PPARGC1A: variants seen among roughly 807,000 people sequenced by gnomAD.
PPARGC1A encodes the protein PPARG coactivator 1 alpha, also known as peroxisome proliferator-activated receptor gamma coactivator 1-alpha.
PPARGC1A carries 25 observed loss-of-function variants against 88.7 expected under a neutral mutation model. The observed-to-expected ratio is 0.28, with a 90% CI of 0.21 to 0.39. PPARGC1A has a LOEUF of 0.39. PPARGC1A is among the 10% of genes least tolerant of loss of function. The probability of loss-of-function intolerance (pLI) is 1.00; values close to 1 mark genes in which losing one functional copy is unlikely to be tolerated. For missense variants in PPARGC1A, 880 were observed against 968.7 expected (o/e 0.91, Z 1.22); for synonymous variants, 363 against 355.6 (o/e 1.02, Z -0.24).
chr4:23,864,101 T>C (rs529295560), intron 2 of PPARGC1A, among the ~76,000 whole-genome samples: 2 of 152,284 alleles, frequency 1.3e-5, no homozygotes, highest in Admixed American at 6.5e-5. Context: ...TCTTCACTCA[T>C]AGGTTTCACA....
the PPARGC1A span, among the ~76,000 whole-genome samples, chr4:24,409,107 A>G: frequency 6.6e-6 from 1 of 152,216 alleles, no homozygotes; most frequent in African/African-American, 2.4e-5. Context: ...ATAATCTTGA[A>G]TATTTTTTAA....
chr4:24,035,127 G>A, the PPARGC1A span, among the ~76,000 whole-genome samples: 1 of 152,186 alleles, frequency 6.6e-6, no homozygotes, highest in Non-Finnish European at 1.5e-5. Flanking sequence ...TATATGTGTG[G>A]CAAACACTTG....
At chr4:24,345,349 C>T in the PPARGC1A span, among the ~76,000 whole-genome samples, 1 of 151,864 alleles carries the variant, frequency 6.6e-6, no homozygotes, top group African/African-American at 2.4e-5. Flanking sequence ...TTGCTTTTGG[C>T]AGTATGGTCA....
chr4:24,208,539 C>T, the PPARGC1A span, among the ~76,000 whole-genome samples: 24 of 151,956 alleles, frequency 1.6e-4, no homozygotes, highest in Non-Finnish European at 3.1e-4. Context: ...AAAATACACA[C>T]GTTTACTGAC....
At chr4:24,256,490 G>A in the PPARGC1A span, among the ~76,000 whole-genome samples, 3,027 of 152,212 alleles carry the variant, frequency 0.02, 44 homozygotes, top group Admixed American at 0.041. Context: ...ATCACCCTTC[G>A]TATCTCAATA....
the PPARGC1A span, among the ~76,000 whole-genome samples, chr4:24,259,393 T>C: frequency 2.0e-5 from 3 of 152,156 alleles, no homozygotes; most frequent in Non-Finnish European, 4.4e-5. Context: ...TCCTTCCCTT[T>C]CATCAGATCT....
chr4:24,322,853 T>C, the PPARGC1A span, among the ~76,000 whole-genome samples: 1 of 152,226 alleles, frequency 6.6e-6, no homozygotes, highest in Non-Finnish European at 1.5e-5. Flanking sequence ...TTGGCTGCAC[T>C]CTCCACTTTG....
the PPARGC1A span, among the ~76,000 whole-genome samples, chr4:23,980,585 C>T: frequency 6.6e-6 from 1 of 152,140 alleles, no homozygotes. Context: ...ATATAAAGAA[C>T]TTCCCAGAAA....
chr4:24,202,623 G>C, the PPARGC1A span, among the ~76,000 whole-genome samples: 2 of 152,128 alleles, frequency 1.3e-5, no homozygotes, highest in South Asian at 2.1e-4. Context: ...TTGGAAAACT[G>C]TCCATATGAG....
At chr4:24,074,701 G>A in the PPARGC1A span, among the ~76,000 whole-genome samples, 24 of 152,048 alleles carry the variant, frequency 1.6e-4, no homozygotes, top group African/African-American at 5.1e-4. Context: ...ATGTTCTGTC[G>A]GTGCTAACTC....
chr4:24,435,220 TAGA>T, the PPARGC1A span, among the ~76,000 whole-genome samples: 23 of 152,310 alleles, frequency 1.5e-4, no homozygotes, highest in African/African-American at 5.1e-4. Context: ...CAGGTAGTAT[TAGA>T]AGGACAGTGA....
At position 23,833,335 on chromosome 4, in the gene PPARGC1A, A is replaced by G. The variant is rs377541112; in HGVS notation, c.235-1584T>C. Among the ~76,000 whole-genome samples, 6 of 152,280 alleles carry G rather than the reference A, an allele frequency of 3.9e-5. No individual in the cohort carries two copies. The South Asian group carries it at 1.2e-3, about 32-fold the overall frequency. ...CATTGATCTGCATTTATTGCCAACA[A>G]TATCTTCTGGACCATTTTCTTTTCC... On this transcript the variant is annotated intron_variant, in intron 2 of 12. Coordinates refer to ENST00000264867, the MANE Select transcript of PPARGC1A (RefSeq NM_013261.5).
the PPARGC1A span, among the ~76,000 whole-genome samples, chr4:24,179,882 G>A: frequency 6.6e-6 from 1 of 152,056 alleles, no homozygotes; most frequent in Non-Finnish European, 1.5e-5. Flanking sequence ...GGAGTGAGAG[G>A]GCTAATGTCA....
At chr4:24,047,317 C>T in the PPARGC1A span, among the ~76,000 whole-genome samples, 652 of 152,326 alleles carry the variant, frequency 4.3e-3, 22 homozygotes, top group East Asian at 0.095. Context: ...AGAAATTAAA[C>T]TCCTTGATTA....
chr4:24,268,936 TAGTC>T, the PPARGC1A span, among the ~76,000 whole-genome samples: 3 of 152,208 alleles, frequency 2.0e-5, no homozygotes, highest in Admixed American at 6.5e-5. Context: ...AGAATACACA[TAGTC>T]AGCCCCTTCC....
chr4:24,331,563 C>T, the PPARGC1A span, among the ~76,000 whole-genome samples: 5 of 152,282 alleles, frequency 3.3e-5, no homozygotes, highest in South Asian at 1.0e-3. Flanking sequence ...ATAGTAACAT[C>T]TCAAAAAATA....
At chr4:23,820,099 G>C (rs1350724658) in intron 7 of PPARGC1A, among the ~76,000 whole-genome samples, 2 of 152,048 alleles carry the variant, frequency 1.3e-5, no homozygotes, top group Admixed American at 1.3e-4. Flanking sequence ...GTTACAAATT[G>C]GTTAATGAGT....
chr4:24,421,563 C>T, the PPARGC1A span, among the ~76,000 whole-genome samples: 1 of 152,014 alleles, frequency 6.6e-6, no homozygotes, highest in African/African-American at 2.4e-5. Flanking sequence ...CACCCGCCTC[C>T]GCCTCCCAAA....
the PPARGC1A span, among the ~76,000 whole-genome samples, chr4:24,180,019 T>C: frequency 6.6e-6 from 1 of 152,188 alleles, no homozygotes; most frequent in Non-Finnish European, 1.5e-5. Flanking sequence ...TGTACCATTG[T>C]CACTGCTTTT....
Sources: gnomAD v4.1 joint callset for allele counts (sites outside exome capture counted in the v4.1 genomes callset) on GRCh38, gnomAD v4.1.1 for gene constraint, MANE v1.5 for transcripts, NCBI Gene and HGNC (gene_info 2026-07-23, HGNC 2026-07-21) for gene names.